TCEANC2: variants seen among roughly 807,000 people sequenced by gnomAD.
The protein encoded by TCEANC2 is transcription elongation factor A N-terminal and central domain-containing protein 2.
Under a neutral mutation model 22.8 loss-of-function variants are expected in TCEANC2, and 20 were observed. The ratio of observed to expected loss-of-function variants is 0.88; its 90% CI spans 0.62 to 1.28. The LOEUF is 1.28. TCEANC2 is among the 50% of genes most tolerant of loss of function. The probability of loss-of-function intolerance (pLI) is 0.00; values close to 1 mark genes in which losing one functional copy is unlikely to be tolerated. For missense variants in TCEANC2, 251 were observed against 249.7 expected (o/e 1.01, Z -0.03); for synonymous variants, 84 against 95.5 (o/e 0.88, Z 0.70).
At chr1:54,078,131 T>C (rs921629820) in intron 3 of TCEANC2, among the ~76,000 whole-genome samples, 2 of 152,148 alleles carry the variant, frequency 1.3e-5, no homozygotes, top group East Asian at 3.9e-4. Flanking sequence ...TTTCCATGCA[T>C]TTTTTTGGCA....
intron 3 of TCEANC2, among the ~76,000 whole-genome samples, chr1:54,072,419 CAG>C (rs1475757143): frequency 2.0e-5 from 3 of 149,690 alleles, no homozygotes; most frequent in Non-Finnish European, 3.0e-5. Context: ...CTTTTTGAGA[CAG>C]AGTCTTGCTC....
intron 3 of TCEANC2, among the ~76,000 whole-genome samples, chr1:54,070,403 C>T (rs1658034868): frequency 6.6e-6 from 1 of 152,042 alleles, no homozygotes; most frequent in Non-Finnish European, 1.5e-5. Context: ...TAAATATCAA[C>T]ATAATAGGCC....
chr1:54,070,251 A>C (rs1304083212), intron 3 of TCEANC2, among the ~76,000 whole-genome samples: 1 of 152,204 alleles, frequency 6.6e-6, no homozygotes, highest in Non-Finnish European at 1.5e-5. Flanking sequence ...ACTAGGGGGC[A>C]ATAAGACCAT....
Position 54,097,106 on chromosome 1 carries a change from C to T in TCEANC2, c.*633C>T. 1 of 441,628 alleles carries T rather than the reference C, an allele frequency of 2.3e-6. No homozygotes were observed. Among genetic ancestry groups the T allele is most frequent in the Non-Finnish European group, 3.0e-6 (1 of 332,570 alleles). 27.4% of individuals were successfully genotyped at this position (441,628 alleles called of 1,614,324 possible). A position where few individuals can be genotyped will look rare whatever the true frequency, so the allele number is the denominator to read the frequency against. ...GGAACTGGCCCGAAGCCTCCCACAC[C>T]TCAGGGTTTATTTGAATACGCTGGC... On this transcript the variant is annotated 3_prime_UTR_variant, in exon 5 of 5. Transcript: ENST00000234827.
intron 2 of TCEANC2, among the ~76,000 whole-genome samples, chr1:54,067,798 T>C (rs563105388): frequency 1.3e-5 from 2 of 152,260 alleles, no homozygotes; most frequent in Admixed American, 1.3e-4. Flanking sequence ...TGTAAGTATA[T>C]ATGAGGAATT....
intron 3 of TCEANC2, among the ~76,000 whole-genome samples, chr1:54,086,455 G>A (rs1658341985): frequency 6.6e-6 from 1 of 152,198 alleles, no homozygotes; most frequent in Non-Finnish European, 1.5e-5. Flanking sequence ...AGTCTTAAAG[G>A]CCGAATGGAA....
intron 2 of TCEANC2, among the ~76,000 whole-genome samples, chr1:54,056,607 G>A (rs57486965): frequency 0.093 from 14,129 of 152,058 alleles, 1,537 homozygotes; most frequent in African/African-American, 0.27. Context: ...TTACAGGCGT[G>A]AGCCACGGCA....
intron 2 of TCEANC2, among the ~76,000 whole-genome samples, chr1:54,064,692 CT>C (rs67486092): frequency 0.34 from 32,204 of 94,252 alleles, 2,867 homozygotes; most frequent in East Asian, 0.43. Flanking sequence ...TGCATTTTTC[CT>C]TTTTTTTTTT....
intron 4 of TCEANC2, among the ~76,000 whole-genome samples, chr1:54,089,009 T>C (rs1658392856): frequency 1.3e-5 from 2 of 152,156 alleles, no homozygotes; most frequent in South Asian, 4.1e-4. Flanking sequence ...CGGGAGACAG[T>C]GTTGTAGGAG....
chr1:54,071,940 T>A (rs919642504), intron 3 of TCEANC2, among the ~76,000 whole-genome samples: 2 of 151,794 alleles, frequency 1.3e-5, no homozygotes, highest in Admixed American at 1.3e-4. Flanking sequence ...GCCCCCCAAG[T>A]AGGTAGGACT....
chr1:54,077,901 G>A (rs532401869), intron 3 of TCEANC2, among the ~76,000 whole-genome samples: 36 of 152,190 alleles, frequency 2.4e-4, no homozygotes, highest in Admixed American at 1.0e-3. Flanking sequence ...GTCTTTTGCT[G>A]CTTCTTTAGA....
At chr1:54,075,316 T>C (rs952871180) in intron 3 of TCEANC2, among the ~76,000 whole-genome samples, 4 of 152,304 alleles carry the variant, frequency 2.6e-5, no homozygotes, top group African/African-American at 9.6e-5. Context: ...TGAATACTTT[T>C]GCTTAGGCAA....
downstream of TCEANC2, among the ~76,000 whole-genome samples, chr1:54,108,657 T>G (rs535969340): frequency 1.9e-3 from 286 of 152,292 alleles, 1 homozygote; most frequent in African/African-American, 6.6e-3. Context: ...TAGTAGAAGC[T>G]AATACACACA....
chr1:54,093,323 G>A (rs1184559701), intron 4 of TCEANC2, among the ~76,000 whole-genome samples: 2 of 152,108 alleles, frequency 1.3e-5, no homozygotes, highest in Admixed American at 1.3e-4. Context: ...CCACTGGAAA[G>A]GACTCATCAA....
intron 3 of TCEANC2, among the ~76,000 whole-genome samples, chr1:54,070,060 T>C (rs1422732871): frequency 2.0e-5 from 3 of 152,148 alleles, no homozygotes; most frequent in African/African-American, 7.2e-5. Flanking sequence ...GAACTGGCAC[T>C]AACAGCTGGG....
intron 4 of TCEANC2, among the ~76,000 whole-genome samples, chr1:54,089,665 G>C (rs903357681): frequency 1.3e-5 from 2 of 152,162 alleles, no homozygotes; most frequent in African/African-American, 4.8e-5. Flanking sequence ...CAATTCAGAA[G>C]TCTGATTTAA....
intron 4 of TCEANC2, among the ~76,000 whole-genome samples, chr1:54,095,352 C>G (rs940310632): frequency 2.6e-5 from 4 of 151,912 alleles, no homozygotes; most frequent in African/African-American, 4.8e-5. Context: ...GGTGCAGAGG[C>G]ACAGAGGTGT....
downstream of TCEANC2, among the ~76,000 whole-genome samples, chr1:54,109,506 A>T (rs1374598286): frequency 6.6e-6 from 1 of 152,208 alleles, no homozygotes; most frequent in African/African-American, 2.4e-5. Flanking sequence ...GGTTACATGT[A>T]TCAGGGGCTT....
chr1:54,078,577 C>T (rs954380254), intron 3 of TCEANC2, among the ~76,000 whole-genome samples: 6 of 152,162 alleles, frequency 3.9e-5, no homozygotes, highest in Admixed American at 6.5e-5. Context: ...GTTAATGTCC[C>T]TAGAGTTTTG....
Sources: gnomAD v4.1 joint callset for allele counts (sites outside exome capture counted in the v4.1 genomes callset) on GRCh38, gnomAD v4.1.1 for gene constraint, MANE v1.5 for transcripts, NCBI Gene and HGNC (gene_info 2026-07-23, HGNC 2026-07-21) for gene names.